The following ECT2 variants were observed in gnomAD, a reference collection of about 807,000 sequenced individuals.
ECT2 encodes the protein epithelial cell transforming 2.
ECT2 carries 61 observed loss-of-function variants against 116.9 expected under a neutral mutation model. That is an observed-to-expected ratio of 0.52 (90% CI 0.42 to 0.65). The LOEUF (loss-of-function observed/expected upper bound fraction) is 0.65. ECT2 is among the 30% of genes least tolerant of loss of function. ECT2 has a pLI of 0.00. For synonymous variants in ECT2, 358 were observed against 346.4 expected (o/e 1.03, Z -0.37); for missense variants, 937 against 1,078.7 (o/e 0.87, Z 1.84).
intron 12 of ECT2, 56 bp from the exon 13 acceptor site, chr3:172,768,951 A>G: frequency 6.8e-7 from 1 of 1,479,922 alleles, no homozygotes; most frequent in East Asian, 2.4e-5. Flanking sequence ...AGTCTACATA[A>G]TGTTTGGTAT....
rs143756463 is a variant in ECT2 at position 172,760,160 on chromosome 3, G to T, written c.581G>T (p.Arg194Met). 5.8e-4 allele frequency: 922 copies of T among 1,602,696 alleles called. No homozygotes were observed. The highest frequency in any genetic ancestry group is 7.3e-4 in the Non-Finnish European group (853 of 1,174,420). The change falls in exon 7 of 25, where the codon AGG becomes ATG. Residue 194 changes from arginine to methionine, a missense_variant. Arg to Met is a moderately conservative substitution (Grantham distance 91). Transcript: ENST00000392692. ...TGFRKKEELV[R>M]LVTLVHHMGG... Reference sequence around the variant, plus strand: ...TTGCTTAATTTTTCTTTTGAGGTCAGGTTGGTGACATTGGTCCATCACATG... The same window carrying T: ...TTGCTTAATTTTTCTTTTGAGGTCATGTTGGTGACATTGGTCCATCACATG...
intron 23 of ECT2, 55 bp from the exon 24 acceptor site, chr3:172,816,636 C>G: frequency 6.8e-7 from 1 of 1,464,940 alleles, no homozygotes; most frequent in Non-Finnish European, 9.2e-7. Context: ...TTTAAATATT[C>G]TCATCAGCTG....
At chr3:172,767,021 G>C (rs1406947453) in intron 12 of ECT2, among the ~76,000 whole-genome samples, 1 of 152,212 alleles carries the variant, frequency 6.6e-6, no homozygotes, top group African/African-American at 2.4e-5. Context: ...AATTAAATTA[G>C]ATCAGTGCAT....
chr3:172,802,056 T>A (rs1407167345), intron 18 of ECT2, among the ~76,000 whole-genome samples: 1 of 152,184 alleles, frequency 6.6e-6, no homozygotes, highest in African/African-American at 2.4e-5. Context: ...TAGAAAGGAA[T>A]AATAGTAAAA....
chr3:172,791,268 A>C (rs1257297446), intron 18 of ECT2, among the ~76,000 whole-genome samples: 2 of 152,082 alleles, frequency 1.3e-5, no homozygotes, highest in Non-Finnish European at 2.9e-5. Context: ...TAGGATTTTG[A>C]GAATGGTCAG....
At chr3:172,789,833 C>T (rs1431672942) in intron 18 of ECT2, among the ~76,000 whole-genome samples, 1 of 152,054 alleles carries the variant, frequency 6.6e-6, no homozygotes. Flanking sequence ...CAATTCAGTC[C>T]CATCTTTAGT....
chr3:172,761,700 TCAG>T lies in ECT2; in HGVS notation c.758+18_758+20del. 6.5e-7 allele frequency: 1 copy of T among 1,530,228 alleles called. No homozygotes were observed. The highest frequency in any genetic ancestry group is 9.0e-7 in the Non-Finnish European group (1 of 1,111,824). 94.8% of individuals were successfully genotyped at this position (1,530,228 alleles called of 1,614,324 possible). A position where few individuals can be genotyped will look rare whatever the true frequency, so the allele number is the denominator to read the frequency against. On this transcript the variant is annotated intron_variant, in intron 8 of 24. Transcript: ENST00000392692. ...GAATGAACAGTAAGTGTTTAGAAAC[TCAG>T]TAGTTCATTATGTAAATTAAACATT...
intron 20 of ECT2, among the ~76,000 whole-genome samples, chr3:172,804,100 G>T (rs1727230234): frequency 6.6e-6 from 1 of 152,074 alleles, no homozygotes; most frequent in Non-Finnish European, 1.5e-5. Context: ...GTGAGCCACT[G>T]CACCTGCCTC....
At chr3:172,782,290 G>T in intron 15 of ECT2, 59 bp downstream of exon 15, 1 of 980,886 alleles carries the variant, frequency 1.0e-6, no homozygotes, top group South Asian at 1.8e-5. Flanking sequence ...ATCAAGGACT[G>T]GCAAGGAGTG....
intron 23 of ECT2, 36 bp from the exon 24 acceptor site, chr3:172,816,655 T>C (rs1269842307): frequency 7.9e-6 from 12 of 1,526,094 alleles, no homozygotes; most frequent in Non-Finnish European, 9.8e-6. Flanking sequence ...TGTATTGAAT[T>C]TGTCTAGGTT....
At chr3:172,757,260 G>A in intron 5 of ECT2, 95 bp downstream of exon 5, 2 of 903,062 alleles carry the variant, frequency 2.2e-6, no homozygotes. Context: ...CTCATTGATT[G>A]CTGAGAGCAA....
At chr3:172,784,018 A>AAT in intron 16 of ECT2, 109 bp downstream of exon 16, 1 of 720,802 alleles carries the variant, frequency 1.4e-6, no homozygotes, top group Non-Finnish European at 2.2e-6. Context: ...TGTATCCATT[A>AAT]ATATCTGTTA....
intron 17 of ECT2, among the ~76,000 whole-genome samples, chr3:172,785,799 A>G (rs1012715180): frequency 6.6e-6 from 1 of 152,234 alleles, no homozygotes; most frequent in African/African-American, 2.4e-5. Context: ...TCTGTTTTGC[A>G]AATTATAAGG....
Position 172,760,244 on chromosome 3 carries a change from C to T in ECT2, c.665C>T (p.Thr222Ile). Residue 222 changes from threonine (T) to isoleucine (I), a missense_variant, in exon 7 of 25, where the codon ACA (threonine) becomes ATA (isoleucine). By Grantham distance (89) the Thr-to-Ile change is moderately conservative. Coordinates refer to ENST00000392692, the MANE Select transcript of ECT2 (RefSeq NM_001258315.2). ...SKVTHLVANC[T>I]QGEKFRVAVS... ...GTTACACATTTGGTGGCAAATTGTACACAAGGAGAAAAATTCAGGGTATGT... is the reference window on the plus strand; with the variant it reads ...GTTACACATTTGGTGGCAAATTGTATACAAGGAGAAAAATTCAGGGTATGT... The T allele has an allele frequency of 6.2e-7, 1 of 1,609,710 alleles. No individual in the cohort carries two copies. Among genetic ancestry groups the T allele is most frequent in the Non-Finnish European group, 8.5e-7 (1 of 1,177,506 alleles).
At position 172,802,866 on chromosome 3, in the gene ECT2, T is replaced by C. The variant is rs1175495689; in HGVS notation, c.1992T>C (p.Asn664=). 2 of 1,612,078 alleles carry C rather than the reference T, an allele frequency of 1.2e-6. No individual in the cohort carries two copies. Among genetic ancestry groups the C allele is most frequent in the African/African-American group, 2.7e-5 (2 of 74,844 alleles). ...VVYEVDGCPA[N]LLSSHRSLVQ... ...TATATTTTCAACCTATACAGGCTAA[T>C]CTTTTATCTTCTCACCGAAGCTTAG... is the stretch of plus-strand genomic sequence containing the variant. Residue 664 remains asparagine, a synonymous_variant, in exon 20 of 25, where the codon AAT becomes AAC. Transcript: ENST00000392692.
chr3:172,768,476 C>CT (rs1719958224), intron 12 of ECT2, among the ~76,000 whole-genome samples: 1 of 152,110 alleles, frequency 6.6e-6, no homozygotes, highest in Non-Finnish European at 1.5e-5. Context: ...GTGCCTTTAG[C>CT]TTTAAGTACT....
chr3:172,807,367 G>A lies in ECT2; in HGVS notation c.2246-403G>A, dbSNP rs540010294. Among the ~76,000 whole-genome samples the A allele has an allele frequency of 1.9e-4, 29 of 152,178 alleles. 1 individual carries two copies. In the South Asian group the frequency reaches 5.4e-3, roughly 28 times the overall value. On this transcript the variant is annotated intron_variant, in intron 21 of 24. Transcript: ENST00000392692. ...TCCACAGATGCAGACCCACAGATAC[G>A]GAAGGCTGACTATATATTTGTTTTA...
At chr3:172,761,911 A>C (rs762505271) in intron 8 of ECT2, among the ~76,000 whole-genome samples, 1 of 152,274 alleles carries the variant, frequency 6.6e-6, no homozygotes, top group Admixed American at 6.5e-5. Flanking sequence ...AATTTTGGCT[A>C]TTATAAACAT....
At chr3:172,795,571 C>T (rs993574825) in intron 18 of ECT2, among the ~76,000 whole-genome samples, 1 of 151,810 alleles carries the variant, frequency 6.6e-6, no homozygotes, top group African/African-American at 2.4e-5. Flanking sequence ...TAGGTTCTTA[C>T]TTAGGTAAAT....
Sources: allele counts gnomAD v4.1 joint callset (sites outside exome capture counted in the v4.1 genomes callset), GRCh38; gene constraint gnomAD v4.1.1; transcripts MANE v1.5; gene names NCBI Gene and HGNC (gene_info 2026-07-23, HGNC 2026-07-21).